The following CREB3L2 variants were observed in gnomAD, a reference collection of about 807,000 sequenced individuals.
CREB3L2 encodes the protein cAMP responsive element binding protein 3 like 2.
A neutral mutation model predicts 57.2 loss-of-function variants in CREB3L2; 23 were observed. The ratio of observed to expected loss-of-function variants is 0.40; its 90% CI spans 0.29 to 0.57. CREB3L2 has a LOEUF of 0.57. Ranked by LOEUF, CREB3L2 falls within the 20% of genes least tolerant of loss-of-function variation. The pLI, the probability that CREB3L2 is intolerant of heterozygous loss-of-function variation, is 0.42. For missense variants in CREB3L2, 628 were observed against 634.7 expected (o/e 0.99, Z 0.11); for synonymous variants, 268 against 265.1 (o/e 1.01, Z -0.11).
chr7:137,887,750 C>T (rs1799452772), intron 8 of CREB3L2, among the ~76,000 whole-genome samples: 1 of 151,992 alleles, frequency 6.6e-6, no homozygotes, highest in South Asian at 2.1e-4. Flanking sequence ...ATCTACATGA[C>T]ATTTTCCCCA....
At chr7:137,962,952 C>T (rs879324385) in intron 1 of CREB3L2, among the ~76,000 whole-genome samples, 1 of 152,186 alleles carries the variant, frequency 6.6e-6, no homozygotes, top group Non-Finnish European at 1.5e-5. Context: ...TCTGCATATC[C>T]AGCTTTCCTA....
intron 8 of CREB3L2, among the ~76,000 whole-genome samples, chr7:137,887,991 C>T (rs759769659): frequency 1.1e-4 from 16 of 152,172 alleles, no homozygotes; most frequent in Admixed American, 1.0e-3. Flanking sequence ...CTTGCTCTGT[C>T]GCACAGGCTG....
At chr7:137,922,384 G>GTATATATATATATATATATATATA (rs1175503933) in intron 2 of CREB3L2, among the ~76,000 whole-genome samples, 3 of 19,552 alleles carry the variant, frequency 1.5e-4, no homozygotes, top group African/African-American at 2.4e-4. Context: ...ATATATATAT[G>GTATATATATATATATATATATATA]TATATATATA....
At chr7:137,910,800 A>G (rs1443738483) in intron 4 of CREB3L2, among the ~76,000 whole-genome samples, 1 of 152,190 alleles carries the variant, frequency 6.6e-6, no homozygotes, top group Non-Finnish European at 1.5e-5. Flanking sequence ...ATCTATTAAG[A>G]GCTACAGAGC....
At chr7:137,932,090 T>C (rs1420155448) in intron 1 of CREB3L2, among the ~76,000 whole-genome samples, 1 of 152,220 alleles carries the variant, frequency 6.6e-6, no homozygotes. Context: ...CACATAGGAT[T>C]CTTTAAAACG....
chr7:137,969,987 G>A (rs989126147), intron 1 of CREB3L2, among the ~76,000 whole-genome samples: 17 of 152,160 alleles, frequency 1.1e-4, no homozygotes, highest in East Asian at 9.7e-4. Context: ...TTTTCCAGAT[G>A]CCCAGGGTAT....
At position 137,877,789 on chromosome 7, in the gene CREB3L2, T is replaced by C. The variant is rs894605512; in HGVS notation, c.*2687A>G. On this transcript the variant is annotated 3_prime_UTR_variant, in exon 12 of 12. Coordinates refer to ENST00000330387, the MANE Select transcript of CREB3L2 (RefSeq NM_194071.4). ...GTTAATGACTAGTCTAAGAGGCCAC[T>C]TGGTGGGGAAAACAAATCCACTGAT... 8.7e-6 allele frequency: 2 copies of C among 228,654 alleles called. No homozygotes were observed. The highest frequency in any genetic ancestry group is 4.4e-5 in the African/African-American group (2 of 45,118). The allele number at this position is 228,654 out of a possible 1,614,324, so 14.2% of individuals were successfully genotyped here.
Position 137,878,187 on chromosome 7 carries a change from A to G in CREB3L2, c.*2289T>C. The G allele has an allele frequency of 4.3e-6, 1 of 231,942 alleles. No homozygotes were observed. Among genetic ancestry groups the G allele is most frequent in the Non-Finnish European group, 8.5e-6 (1 of 117,266 alleles). The allele number at this position is 231,942 out of a possible 1,614,324, so 14.4% of individuals were successfully genotyped here. A position where few individuals can be genotyped will look rare whatever the true frequency, so the allele number is the denominator to read the frequency against. On this transcript the variant is annotated 3_prime_UTR_variant, in exon 12 of 12. Coordinates refer to ENST00000330387, the MANE Select transcript of CREB3L2 (RefSeq NM_194071.4). ...AAATAAAATCCTCAAAGCACTAAGG[A>G]CAGGGGCTAGAAGTTTCCTTTATCT... is the stretch of plus-strand genomic sequence containing the variant.
intron 8 of CREB3L2, among the ~76,000 whole-genome samples, chr7:137,893,482 C>T (rs546200782): frequency 6.6e-6 from 1 of 152,314 alleles, no homozygotes; most frequent in African/African-American, 2.4e-5. Context: ...TTGTGTGCAG[C>T]TGGGGGTGGG....
intron 8 of CREB3L2, among the ~76,000 whole-genome samples, chr7:137,895,305 C>T (rs938257633): frequency 1.4e-4 from 22 of 152,236 alleles, no homozygotes; most frequent in Non-Finnish European, 2.9e-4. Flanking sequence ...GATTCTCTAG[C>T]AGCCACACAG....
rs548722269 is a variant in CREB3L2 at position 138,001,899 on chromosome 7, T to A, written c.-194A>T. 7.7e-5 allele frequency: 35 copies of A among 457,492 alleles called. 1 individual carries two copies. The South Asian group carries it at 1.2e-3, about 16-fold the overall frequency. 28.3% of individuals were successfully genotyped at this position (457,492 alleles called of 1,614,324 possible). ...GATGGCCAAGCGCTCCCGTCCGGTG[T>A]CCTCGGAGATCCGAGAATCCCCAGG... On this transcript the variant is annotated 5_prime_UTR_variant, in exon 1 of 12. Coordinates refer to ENST00000330387, the MANE Select transcript of CREB3L2 (RefSeq NM_194071.4). The surrounding 1 kb of genome is among the most constrained non-coding windows in gnomAD (Gnocchi z 4.2).
At chr7:137,888,742 T>C (rs1250516370) in intron 8 of CREB3L2, among the ~76,000 whole-genome samples, 1 of 152,030 alleles carries the variant, frequency 6.6e-6, no homozygotes, top group African/African-American at 2.4e-5. Flanking sequence ...CGGTCTCCTG[T>C]TCCCCTGGCC....
intron 4 of CREB3L2, among the ~76,000 whole-genome samples, chr7:137,911,720 C>T (rs1473064653): frequency 6.6e-6 from 1 of 152,140 alleles, no homozygotes; most frequent in Non-Finnish European, 1.5e-5. Flanking sequence ...TGTCTGCAGT[C>T]CCCGCTACTT....
rs936319007 is a variant in CREB3L2, at chr7:137,908,258, A to C, written c.762T>G (p.Ala254=). The part of the protein sequence containing the change: ...SALSSSPLLT[A]PHKLQGSGPL... ...ATGCCCGCTGCATACTTACATGAGG[A>C]GCCGTGAGGAGAGGGGAGCTGGAGA... Residue 254 remains alanine, a synonymous_variant, in exon 5 of 12, where the codon GCT becomes GCG. Coordinates refer to ENST00000330387, the MANE Select transcript of CREB3L2 (RefSeq NM_194071.4). 6 of 1,257,538 alleles carry C rather than the reference A, an allele frequency of 4.8e-6. No individual in the cohort carries two copies. Among genetic ancestry groups the C allele is most frequent in the Middle Eastern group, 2.9e-4 (1 of 3,460 alleles). 77.9% of individuals were successfully genotyped at this position (1,257,538 alleles called of 1,614,324 possible).
At position 137,912,884 on chromosome 7, in the gene CREB3L2, A is replaced by G. The variant is rs747516254; in HGVS notation, c.583+107T>C. ...ACAGAGCTATTTCATAAAGCCAGCT[A>G]CAACATCTGTGGTACAAACTCATCC... On this transcript the variant is annotated intron_variant, in intron 4 of 11. Coordinates refer to ENST00000330387, the MANE Select transcript of CREB3L2 (RefSeq NM_194071.4). The G allele has an allele frequency of 3.2e-6, 5 of 1,555,320 alleles. No individual in the cohort carries two copies. In the African/African-American group the frequency reaches 6.8e-5, roughly 21 times the overall value.
At chr7:137,901,874 C>CAAAAAAAAAA (rs59855306) in intron 7 of CREB3L2, among the ~76,000 whole-genome samples, 28 of 57,812 alleles carry the variant, frequency 4.8e-4, no homozygotes, top group Non-Finnish European at 6.1e-4. Context: ...AGATCTGTCT[C>CAAAAAAAAAA]AAAAAAAAAA....
intron 1 of CREB3L2, among the ~76,000 whole-genome samples, chr7:137,969,056 G>A (rs919781069): frequency 6.6e-6 from 1 of 152,316 alleles, no homozygotes; most frequent in African/African-American, 2.4e-5. Flanking sequence ...AGGACACTGT[G>A]GGGCTGCTTA....
Position 137,880,469 on chromosome 7 carries a change from A to G in CREB3L2, c.*7T>C, listed in dbSNP as rs1799271779. On this transcript the variant is annotated 3_prime_UTR_variant, in exon 12 of 12. Coordinates refer to ENST00000330387, the MANE Select transcript of CREB3L2 (RefSeq NM_194071.4). This position sits in a 1 kb window ranked among gnomAD's most constrained non-coding sequence, Gnocchi z 4.0. The stretch of plus-strand genomic sequence containing the variant: ...TAAGGGAAAGGGAGGGGGTGCAGGC[A>G]GCCTCTTTAGAAAGTGGTGTTCACT... 1 of 1,610,588 alleles carries G rather than the reference A, an allele frequency of 6.2e-7. No individual in the cohort carries two copies. The highest frequency in any genetic ancestry group is 1.3e-5 in the African/African-American group (1 of 74,866).
chr7:137,910,551 C>A (rs1290224929), intron 4 of CREB3L2, among the ~76,000 whole-genome samples: 2 of 152,028 alleles, frequency 1.3e-5, no homozygotes, highest in East Asian at 1.9e-4. Context: ...TATGGCACTT[C>A]ATGGTTTAAA....
Sources: gnomAD v4.1 joint callset for allele counts (sites outside exome capture counted in the v4.1 genomes callset) on GRCh38, gnomAD v4.1.1 for gene constraint, Gnocchi (gnomAD v3.1) non-coding constraint, MANE v1.5 for transcripts, NCBI Gene and HGNC (gene_info 2026-07-23, HGNC 2026-07-21) for gene names.